Variants in ANKRD13C observed in about 807,000 individuals in gnomAD.
The protein encoded by ANKRD13C is ankyrin repeat domain 13C.
ANKRD13C carries 16 observed loss-of-function variants against 65.5 expected under a neutral mutation model. That is an observed-to-expected ratio of 0.24 (90% CI 0.17 to 0.37). ANKRD13C has a LOEUF of 0.37. ANKRD13C is among the 10% of genes least tolerant of loss of function. ANKRD13C has a pLI of 1.00. For missense variants in ANKRD13C, 503 were observed against 655.9 expected, an observed-to-expected ratio of 0.77 and a Z score of 2.55; for synonymous variants, 235 against 238.7, an observed-to-expected ratio of 0.98 and a Z score of 0.14.
At chr1:70,335,764 T>C (rs1437744781) in intron 2 of ANKRD13C, among the ~76,000 whole-genome samples, 1 of 150,620 alleles carries the variant, frequency 6.6e-6, no homozygotes, top group Non-Finnish European at 1.5e-5. Context: ...ATCTTAATAT[T>C]TGGAAATAAG....
At chr1:70,351,625 C>G (rs1682748550) in intron 1 of ANKRD13C, among the ~76,000 whole-genome samples, 1 of 152,088 alleles carries the variant, frequency 6.6e-6, no homozygotes, top group South Asian at 2.1e-4. Flanking sequence ...GTCTTGAACT[C>G]CTGACCTCAG....
At position 70,262,585 on chromosome 1, in the gene ANKRD13C, T is replaced by G; in HGVS notation, c.*132A>C. 4 of 1,011,510 alleles carry G rather than the reference T, an allele frequency of 4.0e-6. No homozygotes were observed. The highest frequency in any genetic ancestry group is 5.6e-6 in the Non-Finnish European group (4 of 712,434). The allele number at this position is 1,011,510 out of a possible 1,614,324, so 62.7% of individuals were successfully genotyped here. Reference sequence around the variant, plus strand: ...ATTAGAGGCCCATTTCACTGTATCGTATTACTGATGTGTCGATTCAATGTG... The same window carrying G: ...ATTAGAGGCCCATTTCACTGTATCGGATTACTGATGTGTCGATTCAATGTG... On this transcript the variant is annotated 3_prime_UTR_variant, in exon 13 of 13. Coordinates refer to ENST00000370944, the MANE Select transcript of ANKRD13C (RefSeq NM_030816.5).
chr1:70,321,615 G>T (rs933705275), intron 3 of ANKRD13C, among the ~76,000 whole-genome samples: 3 of 152,088 alleles, frequency 2.0e-5, no homozygotes, highest in African/African-American at 4.8e-5. Context: ...AACCAGAGCT[G>T]TCTCGATCAG....
At chr1:70,338,966 A>C (rs980542652) in intron 1 of ANKRD13C, among the ~76,000 whole-genome samples, 1 of 152,200 alleles carries the variant, frequency 6.6e-6, no homozygotes, top group African/African-American at 2.4e-5. Flanking sequence ...TCACGCCTAC[A>C]GTCACCGTAC....
chr1:70,325,382 G>A (rs1275152285), intron 2 of ANKRD13C, among the ~76,000 whole-genome samples: 2 of 152,080 alleles, frequency 1.3e-5, no homozygotes, highest in African/African-American at 4.8e-5. Context: ...AGAAACAAAA[G>A]TGCTTTCAAT....
At chr1:70,352,336 T>A (rs1283773958) in intron 1 of ANKRD13C, among the ~76,000 whole-genome samples, 3 of 89,906 alleles carry the variant, frequency 3.3e-5, no homozygotes, top group African/African-American at 1.3e-4. Context: ...CAAGACTCCG[T>A]CTCAAAAAAA....
chr1:70,289,474 T>TA (rs926727370), intron 9 of ANKRD13C, among the ~76,000 whole-genome samples: 2 of 149,772 alleles, frequency 1.3e-5, no homozygotes, highest in African/African-American at 4.9e-5. Context: ...AAATTATTAT[T>TA]TTTTTTTTTT....
In ANKRD13C at chr1:70,315,846, G is replaced by A. The variant is rs555995287; in HGVS notation, c.578-280C>T. Among the ~76,000 whole-genome samples, 545 of 152,276 alleles carry A rather than the reference G, an allele frequency of 3.6e-3. 5 individuals carry two copies. The South Asian group carries it at 0.038, about 11-fold the overall frequency. On this transcript the variant is annotated intron_variant, in intron 3 of 12. Coordinates refer to ENST00000370944, the MANE Select transcript of ANKRD13C (RefSeq NM_030816.5). ...CTATATAGATAGAATAAGTTAGTAA[G>A]TAAGTTTAATAAAACTGGTATGATC...
In ANKRD13C at chr1:70,287,875, C is replaced by T. The variant is rs532828408; in HGVS notation, c.1215+4513G>A. Among the ~76,000 whole-genome samples the T allele has an allele frequency of 2.6e-5, 4 of 152,192 alleles. No individual in the cohort carries two copies. In the East Asian group the frequency reaches 5.8e-4, roughly 22 times the overall value. On this transcript the variant is annotated intron_variant, in intron 9 of 12. Transcript: ENST00000370944. Reference sequence around the variant, plus strand: ...ATAAAAAATAAAAATAAAAAGTTAACTGGGCATGGTGATGCATGCGTGTAA... The same window carrying T: ...ATAAAAAATAAAAATAAAAAGTTAATTGGGCATGGTGATGCATGCGTGTAA...
intron 7 of ANKRD13C, among the ~76,000 whole-genome samples, chr1:70,297,287 ATTTT>A (rs748635051): frequency 1.0e-5 from 1 of 98,800 alleles, no homozygotes; most frequent in Non-Finnish European, 2.0e-5. Context: ...TCCCTTTCTG[ATTTT>A]TTTTTTTTTT....
intron 11 of ANKRD13C, 25 bp from the exon 12 acceptor site, chr1:70,270,981 T>C (rs1230219436): frequency 6.9e-7 from 1 of 1,454,494 alleles, no homozygotes; most frequent in Admixed American, 1.7e-5. Flanking sequence ...AAGAAAAAAA[T>C]GTTTTCATTG....
At chr1:70,328,853 G>T (rs187783568) in intron 2 of ANKRD13C, among the ~76,000 whole-genome samples, 1 of 152,006 alleles carries the variant, frequency 6.6e-6, no homozygotes, top group Non-Finnish European at 1.5e-5. Context: ...AAGATAAAAA[G>T]AAATTTTTTT....
intron 1 of ANKRD13C, among the ~76,000 whole-genome samples, chr1:70,349,621 A>G (rs1258591960): frequency 6.6e-6 from 1 of 152,194 alleles, no homozygotes; most frequent in Non-Finnish European, 1.5e-5. Flanking sequence ...AAATTTTACC[A>G]AATCAGTGAT....
intron 1 of ANKRD13C, among the ~76,000 whole-genome samples, chr1:70,346,918 C>A (rs890597207): frequency 1.6e-4 from 25 of 151,708 alleles, no homozygotes; most frequent in Admixed American, 6.6e-4. Context: ...GGTGAAACCC[C>A]GTCTCTACTA....
At chr1:70,340,265 A>C (rs1682250902) in intron 1 of ANKRD13C, among the ~76,000 whole-genome samples, 1 of 152,178 alleles carries the variant, frequency 6.6e-6, no homozygotes, top group African/African-American at 2.4e-5. Context: ...AAATAAACTC[A>C]AATTGGGAAA....
chr1:70,270,362 A>G (rs1678824774), intron 12 of ANKRD13C, among the ~76,000 whole-genome samples: 1 of 152,238 alleles, frequency 6.6e-6, no homozygotes, highest in Non-Finnish European at 1.5e-5. Context: ...TAAATATTTG[A>G]CAAAACATAA....
At chr1:70,272,937 G>A (rs985517465) in intron 11 of ANKRD13C, among the ~76,000 whole-genome samples, 3 of 151,852 alleles carry the variant, frequency 2.0e-5, no homozygotes, top group Non-Finnish European at 4.4e-5. Flanking sequence ...GCAGTGAGCC[G>A]AGATTGTGCC....
At chr1:70,292,085 C>G (rs1308084860) in intron 9 of ANKRD13C, 2 of 164,998 alleles carry the variant, frequency 1.2e-5, no homozygotes, top group African/African-American at 4.8e-5. Context: ...AGCCACTGCA[C>G]TCCAGCCTGG....
intron 1 of ANKRD13C, among the ~76,000 whole-genome samples, chr1:70,349,520 A>C (rs948599604): frequency 2.0e-5 from 3 of 152,004 alleles, no homozygotes; most frequent in Non-Finnish European, 4.4e-5. Context: ...AAAAATTCCT[A>C]CTCAACCAAT....
Sources: allele counts gnomAD v4.1 joint callset (sites outside exome capture counted in the v4.1 genomes callset), GRCh38; gene constraint gnomAD v4.1.1; transcripts MANE v1.5; gene names NCBI Gene and HGNC (gene_info 2026-07-23, HGNC 2026-07-21).